Variants in TNNI3K observed in about 807,000 individuals in gnomAD.
The protein encoded by TNNI3K is TNNI3 interacting kinase, also known as serine/threonine-protein kinase TNNI3K.
In TNNI3K, 140 loss-of-function variants were observed where a neutral mutation model predicts 114.5. The observed-to-expected ratio is 1.22, with a 90% CI of 1.07 to 1.41. The LOEUF is 1.41. Among genes scored for constraint, TNNI3K ranks in the 40% most tolerant of loss-of-function variants. TNNI3K has a pLI of 0.00. For synonymous variants in TNNI3K, 347 were observed against 347.5 expected, an observed-to-expected ratio of 1.00 and a Z score of 0.02; for missense variants, 1,125 against 1,007.6, an observed-to-expected ratio of 1.12 and a Z score of -1.58.
At chr1:74,431,437 C>G (rs1190261390) in intron 17 of TNNI3K, among the ~76,000 whole-genome samples, 2 of 152,004 alleles carry the variant, frequency 1.3e-5, no homozygotes, top group African/African-American at 4.8e-5. Flanking sequence ...CTTGATCTTT[C>G]TTTCAGTTTG....
In TNNI3K at chr1:74,405,043, AACAAAATCAGTGTTTTATG is replaced by A. The variant is rs539077509; in HGVS notation, c.1773-31033_1773-31015del. On this transcript the variant is annotated intron_variant, in intron 17 of 24. Coordinates refer to ENST00000326637, the MANE Select transcript of TNNI3K (RefSeq NM_015978.3). ...GACCATTGAGTGAACTGACAATGTC[AACAAAATCAGTGTTTTATG>A]ACAGTGTTAAGCATTGGCATCTACA... is the stretch of plus-strand genomic sequence containing the variant. Among the ~76,000 whole-genome samples the A allele has an allele frequency of 4.7e-3, 718 of 152,340 alleles. 4 individuals are homozygous for A. Among genetic ancestry groups the A allele is most frequent in the African/African-American group, 0.016 (664 of 41,592 alleles).
intron 23 of TNNI3K, among the ~76,000 whole-genome samples, chr1:74,495,521 A>C (rs553084722): frequency 6.6e-6 from 1 of 152,172 alleles, no homozygotes; most frequent in Non-Finnish European, 1.5e-5. Context: ...AGCCTTAACT[A>C]TTTTCTCTTT....
chr1:74,376,058 GC>G (rs1662889617), intron 17 of TNNI3K, among the ~76,000 whole-genome samples: 2 of 151,844 alleles, frequency 1.3e-5, no homozygotes, highest in African/African-American at 4.8e-5. Context: ...TTTTAAAATA[GC>G]CAACTTTCCA....
At chr1:74,541,998 G>A (rs535300909) in intron 24 of TNNI3K, among the ~76,000 whole-genome samples, 1 of 152,246 alleles carries the variant, frequency 6.6e-6, no homozygotes, top group South Asian at 2.1e-4. Flanking sequence ...CTGTACTTGA[G>A]ACCTTTTACC....
intron 21 of TNNI3K, chr1:74,480,387 G>A (rs1209001657): frequency 4.2e-6 from 3 of 717,590 alleles, no homozygotes; most frequent in Non-Finnish European, 5.2e-6. Flanking sequence ...CGAGCAAGGG[G>A]ATGGAGATCA....
intron 23 of TNNI3K, among the ~76,000 whole-genome samples, chr1:74,532,922 G>A (rs981307060): frequency 2.0e-5 from 3 of 152,062 alleles, no homozygotes; most frequent in East Asian, 1.9e-4. Context: ...ATTCAAGATG[G>A]ATTAAAGACT....
At chr1:74,315,583 A>T (rs1225841795) in intron 5 of TNNI3K, among the ~76,000 whole-genome samples, 2 of 151,982 alleles carry the variant, frequency 1.3e-5, no homozygotes, top group African/African-American at 2.4e-5. Flanking sequence ...GATTTGTAGG[A>T]AAACAAGATA....
chr1:74,249,717 T>G (rs748465832), intron 3 of TNNI3K, among the ~76,000 whole-genome samples, 173 bp downstream of exon 3: 26 of 152,218 alleles, frequency 1.7e-4, no homozygotes, highest in Admixed American at 3.9e-4. Context: ...GGCAGAATAT[T>G]CCAATTGATT....
intron 21 of TNNI3K, among the ~76,000 whole-genome samples, chr1:74,477,019 A>G (rs1480535479): frequency 6.6e-6 from 1 of 152,152 alleles, no homozygotes; most frequent in Non-Finnish European, 1.5e-5. Flanking sequence ...ACTCTTGGAA[A>G]GTGCTATAAC....
At chr1:74,508,746 T>G (rs545212321) in intron 23 of TNNI3K, among the ~76,000 whole-genome samples, 2 of 152,244 alleles carry the variant, frequency 1.3e-5, no homozygotes, top group South Asian at 4.1e-4. Flanking sequence ...GCTGATAACA[T>G]AAGTGGGAGT....
intron 17 of TNNI3K, among the ~76,000 whole-genome samples, chr1:74,414,627 G>A (rs967271468): frequency 2.0e-5 from 3 of 152,146 alleles, no homozygotes; most frequent in Non-Finnish European, 4.4e-5. Flanking sequence ...AAGGATCTAC[G>A]TTGAAAAATA....
At chr1:74,285,601 TATA>T in intron 5 of TNNI3K, among the ~76,000 whole-genome samples, 1 of 152,290 alleles carries the variant, frequency 6.6e-6, no homozygotes, top group East Asian at 1.9e-4. Flanking sequence ...ATTATTTTAT[TATA>T]CTCTTTTTTG....
chr1:74,369,307 TGACC>T (rs780764760), intron 15 of TNNI3K, 43 bp downstream of exon 15: 250 of 1,608,466 alleles, frequency 1.6e-4, no homozygotes, highest in Admixed American at 1.5e-4. Context: ...GGTGGAATTG[TGACC>T]TTTGAGAAGC....
intron 23 of TNNI3K, among the ~76,000 whole-genome samples, chr1:74,519,016 A>C (rs1224169972): frequency 9.0e-6 from 1 of 111,630 alleles, no homozygotes. Context: ...ATATCTCCCA[A>C]TGCTATCCCT....
intron 5 of TNNI3K, among the ~76,000 whole-genome samples, chr1:74,288,659 A>G (rs1657476196): frequency 6.6e-6 from 1 of 151,976 alleles, no homozygotes; most frequent in South Asian, 2.1e-4. Flanking sequence ...ACGAAGTTTT[A>G]GTTATGAAGA....
At chr1:74,353,944 T>C in intron 10 of TNNI3K, 36 bp from the exon 11 acceptor site, 2 of 1,576,378 alleles carry the variant, frequency 1.3e-6, no homozygotes, top group Non-Finnish European at 1.7e-6. Flanking sequence ...TTTTTCTTTT[T>C]TCTCCTTTTG....
chr1:74,397,908 A>G (rs570993855), intron 17 of TNNI3K, among the ~76,000 whole-genome samples: 5 of 152,378 alleles, frequency 3.3e-5, no homozygotes, highest in South Asian at 2.1e-4. Flanking sequence ...AGAAGGCGCT[A>G]TATATAGTGA....
At chr1:74,273,587 A>T (rs1656489663) in intron 5 of TNNI3K, among the ~76,000 whole-genome samples, 1 of 151,936 alleles carries the variant, frequency 6.6e-6, no homozygotes, top group Non-Finnish European at 1.5e-5. Flanking sequence ...CAAAGTGGTT[A>T]AGAGCTTAGT....
rs1246206021 is a variant in TNNI3K at position 74,544,243 on chromosome 1, T to A, written c.*261T>A. On this transcript the variant is annotated 3_prime_UTR_variant, in exon 25 of 25. Coordinates refer to ENST00000326637, the MANE Select transcript of TNNI3K (RefSeq NM_015978.3). ...GTAAATTAAAAAAAAATTTAGATCG[T>A]TACTTGGAAATGGAGCCTAAGTCTG... 1 of 386,534 alleles carries A rather than the reference T, an allele frequency of 2.6e-6. No homozygotes were observed. Among genetic ancestry groups the A allele is most frequent in the Non-Finnish European group, 4.5e-6 (1 of 220,154 alleles). 23.9% of individuals were successfully genotyped at this position (386,534 alleles called of 1,614,324 possible).
Sources: allele counts gnomAD v4.1 joint callset (sites outside exome capture counted in the v4.1 genomes callset), GRCh38; gene constraint gnomAD v4.1.1; transcripts MANE v1.5; gene names NCBI Gene and HGNC (gene_info 2026-07-23, HGNC 2026-07-21).